The following THBS2 variants were observed in gnomAD, a reference collection of about 807,000 sequenced individuals.
The protein encoded by THBS2 is thrombospondin 2.
A neutral mutation model predicts 135.2 loss-of-function variants in THBS2; 47 were observed. The observed-to-expected ratio is 0.35, with a 90% CI of 0.28 to 0.44. The LOEUF (loss-of-function observed/expected upper bound fraction) is 0.44, where lower values mean the gene tolerates loss of function less well. Ranked by LOEUF, THBS2 falls within the 20% of genes least tolerant of loss-of-function variation. The pLI is 1.00. For synonymous variants in THBS2, 639 were observed against 633.8 expected (o/e 1.01, Z -0.12); for missense variants, 1,288 against 1,603.1 (o/e 0.80, Z 3.36).
rs1213726520 is a variant in THBS2, at chr6:169,225,475, G to A, written c.2539-96C>T. 7.1e-6 allele frequency: 9 copies of A among 1,264,982 alleles called. No individual in the cohort carries two copies. In the Admixed American group the frequency reaches 8.2e-5, roughly 11 times the overall value. 78.4% of individuals were successfully genotyped at this position (1,264,982 alleles called of 1,614,324 possible). On this transcript the variant is annotated intron_variant, in intron 16 of 21. Coordinates refer to ENST00000617924, the MANE Select transcript of THBS2 (RefSeq NM_003247.5). Reference sequence around the variant, plus strand: ...CGCAAGCCTGAGAGCCGGCCTCCTCGTCCTGCAGCACAAGCCCCAGGGCCA... The same window carrying A: ...CGCAAGCCTGAGAGCCGGCCTCCTCATCCTGCAGCACAAGCCCCAGGGCCA...
In THBS2 at chr6:169,242,053, G is replaced by A. The variant is rs560247229; in HGVS notation, c.695-95C>T. 59 of 1,377,758 alleles carry A rather than the reference G, an allele frequency of 4.3e-5. 1 individual carries two copies. The highest frequency in any genetic ancestry group is 3.3e-4 in the Admixed American group (15 of 45,066). 85.3% of individuals were successfully genotyped at this position (1,377,758 alleles called of 1,614,324 possible). A position where few individuals can be genotyped will look rare whatever the true frequency, so the allele number is the denominator to read the frequency against. On this transcript the variant is annotated intron_variant, in intron 4 of 21. Transcript: ENST00000617924. ...GGGAGGATGACCCGCCCTGGCTCCCGGAGCGGCCTGGTGCTGGGAGACACA... is the reference window on the plus strand; with the variant it reads ...GGGAGGATGACCCGCCCTGGCTCCCAGAGCGGCCTGGTGCTGGGAGACACA...
chr6:169,223,436 T>C lies in THBS2; in HGVS notation c.2813A>G (p.Asn938Ser), dbSNP rs570626256. ...RGDICKDDFDNDNIPDIDDVC... is the reference protein window; with the variant it reads ...RGDICKDDFDSDNIPDIDDVC... ...ATCATCAATATCTGGGATGTTGTCA[T>C]TGTCAAAATCATCTTTACAAATATC... is the stretch of plus-strand genomic sequence containing the variant. The change falls in exon 18 of 22, where the codon AAT (asparagine) becomes AGT (serine). Residue 938 changes from asparagine to serine, a missense_variant. This residue lies in a region of THBS2 where 874 missense variants were observed against 1,156.1 expected (regional missense o/e 0.76). Transcript: ENST00000617924. 18 of 1,614,146 alleles carry C rather than the reference T, an allele frequency of 1.1e-5. No individual in the cohort carries two copies. The highest frequency in any genetic ancestry group is 1.1e-4 in the East Asian group (5 of 44,886).
At chr6:169,247,894 C>G (rs1412590294) in intron 3 of THBS2, among the ~76,000 whole-genome samples, 1 of 150,678 alleles carries the variant, frequency 6.6e-6, no homozygotes, top group Non-Finnish European at 1.5e-5. Flanking sequence ...ACATGTATGT[C>G]TGTGTGGTGT....
Position 169,229,696 on chromosome 6 carries a change from A to C in THBS2, c.2152-17T>G, listed in dbSNP as rs1241753488. 1 of 1,597,044 alleles carries C rather than the reference A, an allele frequency of 6.3e-7. No homozygotes were observed. On this transcript the variant is annotated splice_polypyrimidine_tract_variant and intron_variant, in intron 13 of 21. Transcript: ENST00000617924. ...GCAGTTATCCTGCAATTGGAGAAGG[A>C]AGAATACTTGGAAAAACATTTAGGA...
In THBS2 at chr6:169,217,009, C is replaced by T. The variant is rs1421000697; in HGVS notation, c.*813G>A. The T allele has an allele frequency of 2.0e-5, 3 of 152,226 alleles. No individual in the cohort carries two copies. Among genetic ancestry groups the T allele is most frequent in the African/African-American group, 4.8e-5 (2 of 41,462 alleles). The allele number at this position is 152,226 out of a possible 1,614,324, so 9.4% of individuals were successfully genotyped here. ...GAAGCTCAGGCAGGAGCCTCCCCGACGCCACAGCGGCACAAGCAGCAGCTA... is the reference window on the plus strand; with the variant it reads ...GAAGCTCAGGCAGGAGCCTCCCCGATGCCACAGCGGCACAAGCAGCAGCTA... On this transcript the variant is annotated 3_prime_UTR_variant, in exon 22 of 22. Coordinates refer to ENST00000617924, the MANE Select transcript of THBS2 (RefSeq NM_003247.5).
At position 169,228,237 on chromosome 6, in the gene THBS2, G is replaced by A. The variant is rs1779711403; in HGVS notation, c.2304C>T (p.Asp768=). 6.2e-7 allele frequency: 1 copy of A among 1,614,062 alleles called. No individual in the cohort carries two copies. Among genetic ancestry groups the A allele is most frequent in the South Asian group, 1.1e-5 (1 of 91,086 alleles). Residue 768 remains aspartate (D), a synonymous_variant, in exon 15 of 22, where the codon GAC becomes GAT. Transcript: ENST00000617924. ...CACAGCGGTCCCCAACCTCATCCTTGTCATAGTCAGCCTGGCGGGGATTGA... is the reference window on the plus strand; with the variant it reads ...CACAGCGGTCCCCAACCTCATCCTTATCATAGTCAGCCTGGCGGGGATTGA... ...LLFNPRQADY[D]KDEVGDRCDN...
rs1219358529 is a variant in THBS2, at chr6:169,248,645, G to T, written c.381C>A (p.Thr127=). The T allele has an allele frequency of 3.1e-6, 5 of 1,614,074 alleles. No homozygotes were observed. The highest frequency in any genetic ancestry group is 4.2e-6 in the Non-Finnish European group (5 of 1,180,038). ...SNGPADTLDL[T]YWIDGTRHVV... ...CATGCCGGGTGCCGTCAATCCAGTA[G>T]GTGAGATCCAGCGTGTCCGCGGGGC... The change falls in exon 3 of 22, where the codon ACC becomes ACA. Residue 127 remains threonine (T), a synonymous_variant. Coordinates refer to ENST00000617924, the MANE Select transcript of THBS2 (RefSeq NM_003247.5).
intron 4 of THBS2, among the ~76,000 whole-genome samples, chr6:169,243,070 C>T (rs1780413841): frequency 7.0e-6 from 1 of 143,742 alleles, no homozygotes. Context: ...ACCACTCCCA[C>T]CTTCCCACCT....
Position 169,246,006 on chromosome 6 carries a change from A to G in THBS2, c.694+191T>C, listed in dbSNP as rs117723614. ...AAATTAACTGTTTAATCAATTTATT[A>G]TTTTCAGATATCAACATGTCTAAGT... is the stretch of plus-strand genomic sequence containing the variant. On this transcript the variant is annotated intron_variant, in intron 4 of 21. Transcript: ENST00000617924. 1,958 of 443,862 alleles carry G rather than the reference A, an allele frequency of 4.4e-3. 42 individuals carry two copies. The highest frequency in any genetic ancestry group is 0.033 in the East Asian group (1,057 of 32,038). The allele number at this position is 443,862 out of a possible 1,614,324, so 27.5% of individuals were successfully genotyped here.
chr6:169,248,525 G>A lies in THBS2; in HGVS notation c.501C>T (p.Cys167=), dbSNP rs766930889. The part of the protein sequence containing the change: ...AGETYSLHVG[C]DLIDSFALDE... The stretch of plus-strand genomic sequence containing the variant: ...CCAGAGCGAAGCTGTCTATGAGGTC[G>A]CAGCCCACGTGCAAGCTGTAGGTCT... The change falls in exon 3 of 22, where the codon TGC becomes TGT. Residue 167 remains cysteine, a synonymous_variant. Coordinates refer to ENST00000617924, the MANE Select transcript of THBS2 (RefSeq NM_003247.5). 5.0e-6 allele frequency: 8 copies of A among 1,613,978 alleles called. No homozygotes were observed. The highest frequency in any genetic ancestry group is 2.2e-5 in the East Asian group (1 of 44,866).
intron 1 of THBS2, among the ~76,000 whole-genome samples, chr6:169,251,705 C>T (rs1330681876): frequency 6.6e-6 from 1 of 152,198 alleles, no homozygotes; most frequent in Non-Finnish European, 1.5e-5. Context: ...TCCAAGGACT[C>T]TCCCTCTCCA....
chr6:169,245,472 A>G (rs186017758), intron 4 of THBS2, among the ~76,000 whole-genome samples: 7 of 152,310 alleles, frequency 4.6e-5, no homozygotes, highest in Admixed American at 3.3e-4. Context: ...CCATCATATG[A>G]TGGAGTCAAC....
At position 169,241,783 on chromosome 6, in the gene THBS2, G is replaced by A. The variant is rs1339227836; in HGVS notation, c.870C>T (p.Leu290=). ...LSGLHVLVNQ[L]SENLKRVSND... ...CCACCACTCTCTTGAGGTTCTCGCT[G>A]AGCTGGTTCACGAGGACGTGGAGCC... The change falls in exon 5 of 22, where the codon CTC becomes CTT. Residue 290 remains leucine, a synonymous_variant. Transcript: ENST00000617924. This position sits in a 1 kb window ranked among gnomAD's most constrained non-coding sequence, Gnocchi z 5.5. 5.0e-6 allele frequency: 8 copies of A among 1,610,606 alleles called. No individual in the cohort carries two copies. The highest frequency in any genetic ancestry group is 1.3e-5 in the African/African-American group (1 of 74,886).
At chr6:169,239,832 A>T in intron 6 of THBS2, 137 bp from the exon 7 acceptor site, 1 of 682,500 alleles carries the variant, frequency 1.5e-6, no homozygotes, top group Non-Finnish European at 2.5e-6. Context: ...GAGATGTGAA[A>T]ATAAGGGCAT....
chr6:169,219,434 A>G (rs570178577), intron 21 of THBS2, among the ~76,000 whole-genome samples: 198 of 152,052 alleles, frequency 1.3e-3, no homozygotes, highest in African/African-American at 4.7e-3. Context: ...GGGTGGATGA[A>G]TGATATGGAT....
chr6:169,246,060 G>A (rs1213730803), intron 4 of THBS2, 137 bp downstream of exon 4: 1 of 586,042 alleles, frequency 1.7e-6, no homozygotes, highest in Non-Finnish European at 3.0e-6. Flanking sequence ...AAAGACAATA[G>A]TGGTAGTTAC....
At chr6:169,245,959 T>A in intron 4 of THBS2, 1 of 372,402 alleles carries the variant, frequency 2.7e-6, no homozygotes, top group Non-Finnish European at 4.9e-6. Flanking sequence ...ATAAAATTAT[T>A]TGGATGATTA....
In THBS2 at chr6:169,233,279, C is replaced by T. The variant is rs76017961; in HGVS notation, c.1652-262G>A. Among the ~76,000 whole-genome samples, 1,323 of 151,984 alleles carry T rather than the reference C, an allele frequency of 8.7e-3. 26 individuals are homozygous for T. The highest frequency in any genetic ancestry group is 0.03 in the African/African-American group (1,258 of 41,404). On this transcript the variant is annotated intron_variant, in intron 10 of 21. Coordinates refer to ENST00000617924, the MANE Select transcript of THBS2 (RefSeq NM_003247.5). ...GGGCCACACCACACAACTACCCACACGCCACCTTCCACAACACACAACTGC... is the reference window on the plus strand; with the variant it reads ...GGGCCACACCACACAACTACCCACATGCCACCTTCCACAACACACAACTGC...
In THBS2 at chr6:169,231,181, T is replaced by A. The variant is rs1401864393; in HGVS notation, c.2151+799A>T. 4.6e-5 allele frequency among the ~76,000 whole-genome samples: 7 copies of A among 152,116 alleles called. No homozygotes were observed. In the East Asian group the frequency reaches 1.2e-3, roughly 25 times the overall value. On this transcript the variant is annotated intron_variant, in intron 13 of 21. Transcript: ENST00000617924. ...GAATTAGGTCAAGGACATTGAACAG[T>A]GAGGCTCATCCTGGATTATCTGGGT...
Sources: gnomAD v4.1 joint callset for allele counts (sites outside exome capture counted in the v4.1 genomes callset) on GRCh38, gnomAD v4.1.1 for gene constraint, gnomAD v4.1.1 regional missense constraint, Gnocchi (gnomAD v3.1) non-coding constraint, MANE v1.5 for transcripts, NCBI Gene and HGNC (gene_info 2026-07-23, HGNC 2026-07-21) for gene names.